HECW1: variants seen among roughly 807,000 people sequenced by gnomAD.
HECW1 encodes the protein E3 ubiquitin-protein ligase HECW1.
Under a neutral mutation model 182.3 loss-of-function variants are expected in HECW1, and 61 were observed. That is an observed-to-expected ratio of 0.33 (90% CI 0.27 to 0.41). HECW1 has a LOEUF of 0.41. Ranked by LOEUF, HECW1 falls within the 10% of genes least tolerant of loss-of-function variation. The pLI is 1.00. For synonymous variants in HECW1, 859 were observed against 832.6 expected (o/e 1.03, Z -0.55); for missense variants, 1,739 against 2,108.9 (o/e 0.82, Z 3.44).
chr7:43,543,781 C>CAAAAAAAAAA (rs35618213), intron 26 of HECW1, among the ~76,000 whole-genome samples: 33 of 49,230 alleles, frequency 6.7e-4, no homozygotes, highest in Non-Finnish European at 7.2e-4. Flanking sequence ...CTCCATCTCA[C>CAAAAAAAAAA]AAAAAAAAAA....
chr7:43,250,736 C>T (rs888848761), intron 3 of HECW1, among the ~76,000 whole-genome samples: 42 of 152,066 alleles, frequency 2.8e-4, no homozygotes, highest in African/African-American at 1.0e-3. Flanking sequence ...ATTTGGCTGC[C>T]GGTGCTTTTT....
At chr7:43,121,576 T>TG (rs1785623024) in intron 2 of HECW1, among the ~76,000 whole-genome samples, 2 of 152,118 alleles carry the variant, frequency 1.3e-5, no homozygotes, top group Non-Finnish European at 2.9e-5. Context: ...ATATTATACA[T>TG]ATAGTGATAT....
intron 1 of HECW1, chr7:43,113,677 G>C (rs925615855): frequency 5.0e-6 from 1 of 198,210 alleles, no homozygotes; most frequent in African/African-American, 2.3e-5. Flanking sequence ...GGGGAGGGGG[G>C]GGGAATGCGT....
At chr7:43,482,050 A>G (rs2078458451) in intron 17 of HECW1, among the ~76,000 whole-genome samples, 1 of 151,604 alleles carries the variant, frequency 6.6e-6, no homozygotes, top group Admixed American at 6.6e-5. Flanking sequence ...TGTACCAGCC[A>G]TCTGTCTGCT....
At chr7:43,425,575 C>T (rs1007048210) in intron 8 of HECW1, among the ~76,000 whole-genome samples, 1 of 152,082 alleles carries the variant, frequency 6.6e-6, no homozygotes, top group African/African-American at 2.4e-5. Flanking sequence ...TAATGGAATA[C>T]GACAGACTGG....
intron 2 of HECW1, among the ~76,000 whole-genome samples, chr7:43,214,643 T>C (rs2152697666): frequency 6.6e-6 from 1 of 152,268 alleles, no homozygotes; most frequent in Non-Finnish European, 1.5e-5. Context: ...TATGGCAAAC[T>C]CAAGGTGCCT....
At chr7:43,233,115 T>A (rs922501714) in intron 2 of HECW1, among the ~76,000 whole-genome samples, 1 of 152,200 alleles carries the variant, frequency 6.6e-6, no homozygotes, top group Non-Finnish European at 1.5e-5. Flanking sequence ...TGGTTGTTAC[T>A]ATCTCCCAGA....
intron 19 of HECW1, among the ~76,000 whole-genome samples, chr7:43,493,442 A>C (rs1261948839): frequency 6.6e-6 from 1 of 152,226 alleles, no homozygotes; most frequent in Admixed American, 6.5e-5. Context: ...GGGGAAGGAC[A>C]GAAAGGAAAC....
chr7:43,469,825 T>C (rs2077943723), intron 16 of HECW1, among the ~76,000 whole-genome samples: 1 of 152,234 alleles, frequency 6.6e-6, no homozygotes, highest in African/African-American at 2.4e-5. Flanking sequence ...TCCCTCTTTA[T>C]GGTCCAAGGA....
intron 3 of HECW1, among the ~76,000 whole-genome samples, chr7:43,290,766 A>G (rs1805300303): frequency 6.6e-6 from 1 of 152,208 alleles, no homozygotes; most frequent in Non-Finnish European, 1.5e-5. Flanking sequence ...GCCAACAGGG[A>G]GTCCCCCACA....
Position 43,479,586 on chromosome 7 carries a change from T to G in HECW1, c.3100-24T>G, listed in dbSNP as rs202055016. 1,024 of 1,613,146 alleles carry G rather than the reference T, an allele frequency of 6.3e-4. No individual in the cohort carries two copies. Among genetic ancestry groups the G allele is most frequent in the Non-Finnish European group, 7.9e-4 (930 of 1,179,376 alleles). On this transcript the variant is annotated intron_variant, in intron 16 of 29. Transcript: ENST00000395891. ...GGCCTATTCTCACACCACACGGTGC[T>G]TTTTTTCACTGGTCTGTTCGCAGTC...
intron 2 of HECW1, among the ~76,000 whole-genome samples, chr7:43,199,439 A>T (rs1403470100): frequency 6.6e-6 from 1 of 152,206 alleles, no homozygotes; most frequent in Admixed American, 6.5e-5. Flanking sequence ...GCTTTTCATT[A>T]ACAGTTGAAT....
chr7:43,258,247 G>A (rs1800790143), intron 3 of HECW1, among the ~76,000 whole-genome samples: 1 of 151,394 alleles, frequency 6.6e-6, no homozygotes, highest in Non-Finnish European at 1.5e-5. Context: ...GGAGGCTAAG[G>A]CATGAGAATC....
chr7:43,226,805 G>A (rs911043960), intron 2 of HECW1, among the ~76,000 whole-genome samples: 1 of 152,172 alleles, frequency 6.6e-6, no homozygotes, highest in Non-Finnish European at 1.5e-5. Flanking sequence ...GGCGTCTCCC[G>A]CACATGGGCG....
At chr7:43,271,617 A>G (rs1408098672) in intron 3 of HECW1, among the ~76,000 whole-genome samples, 2 of 152,218 alleles carry the variant, frequency 1.3e-5, no homozygotes, top group Non-Finnish European at 2.9e-5. Flanking sequence ...TAAAAAATTG[A>G]GATATCTAGG....
At chr7:43,391,278 G>A (rs1384680255) in intron 6 of HECW1, among the ~76,000 whole-genome samples, 2 of 152,172 alleles carry the variant, frequency 1.3e-5, no homozygotes, top group Non-Finnish European at 2.9e-5. Context: ...AGTTGGTCTG[G>A]TGATAATCTC....
intron 24 of HECW1, among the ~76,000 whole-genome samples, chr7:43,531,956 C>G (rs942954800): frequency 6.6e-6 from 1 of 152,208 alleles, no homozygotes. Context: ...TGCATCCTGA[C>G]GGCCCCACAG....
intron 3 of HECW1, among the ~76,000 whole-genome samples, chr7:43,278,403 T>A (rs888579517): frequency 6.6e-6 from 1 of 152,106 alleles, no homozygotes; most frequent in Non-Finnish European, 1.5e-5. Context: ...GCTCCCACCC[T>A]GGTTCTAGCA....
intron 2 of HECW1, among the ~76,000 whole-genome samples, chr7:43,206,573 A>G (rs1427731100): frequency 6.6e-6 from 1 of 152,148 alleles, no homozygotes; most frequent in Non-Finnish European, 1.5e-5. Context: ...CTTTATGAAC[A>G]CTGAAGCTCA....
Sources: gnomAD v4.1 joint callset for allele counts (sites outside exome capture counted in the v4.1 genomes callset) on GRCh38, gnomAD v4.1.1 for gene constraint, MANE v1.5 for transcripts, NCBI Gene and HGNC (gene_info 2026-07-23, HGNC 2026-07-21) for gene names.